The following HLX variants were observed in gnomAD, a reference collection of about 807,000 sequenced individuals.
HLX encodes the protein H2.0-like homeobox protein.
In HLX, 6 loss-of-function variants were observed where a neutral mutation model predicts 27.7. The ratio of observed to expected loss-of-function variants is 0.22; its 90% CI spans 0.12 to 0.43. The LOEUF is 0.43. HLX is among the 20% of genes least tolerant of loss of function. HLX has a pLI of 1.00. For missense variants in HLX, 666 were observed against 655.2 expected, an observed-to-expected ratio of 1.02 and a Z score of -0.18; for synonymous variants, 328 against 293.8, an observed-to-expected ratio of 1.12 and a Z score of -1.19.
rs537207324 is a variant in HLX at position 220,881,554 on chromosome 1, C to T, written c.772+181C>T. 1.1e-4 allele frequency: 72 copies of T among 681,200 alleles called. 1 individual carries two copies. Among genetic ancestry groups the T allele is most frequent in the South Asian group, 1.0e-3 (65 of 62,662 alleles). 42.2% of individuals were successfully genotyped at this position (681,200 alleles called of 1,614,324 possible). A position where few individuals can be genotyped will look rare whatever the true frequency, so the allele number is the denominator to read the frequency against. On this transcript the variant is annotated intron_variant, in intron 2 of 3. Transcript: ENST00000366903. The stretch of plus-strand genomic sequence containing the variant: ...GAGCTAGCGCTCGCTTCGGATGGTT[C>T]CCCTTGAAAAGGGGTAGAGGCGCCT...
Position 220,879,588 on chromosome 1 carries a change from C to G in HLX, c.-270C>G. On this transcript the variant is annotated 5_prime_UTR_variant, in exon 1 of 4. Transcript: ENST00000366903. ...CCCGCCCTGCGGCCCCAGCGCCCCTCGCTCTCATCCAGCCCGCGAGGAGTG... is the reference window on the plus strand; with the variant it reads ...CCCGCCCTGCGGCCCCAGCGCCCCTGGCTCTCATCCAGCCCGCGAGGAGTG... The G allele has an allele frequency of 4.0e-6, 2 of 504,738 alleles. No homozygotes were observed. Among genetic ancestry groups the G allele is most frequent in the Non-Finnish European group, 3.4e-6 (1 of 294,340 alleles). 31.3% of individuals were successfully genotyped at this position (504,738 alleles called of 1,614,324 possible).
chr1:220,881,763 AACAC>A (rs71167242), intron 2 of HLX: 28,437 of 303,796 alleles, frequency 0.094, 821 homozygotes, highest in Middle Eastern at 0.12. Context: ...TGCGGGAATA[AACAC>A]ACACACACAC....
Position 220,884,144 on chromosome 1 carries a change from C to G in HLX, c.958-51C>G. On this transcript the variant is annotated intron_variant, in intron 3 of 3. Transcript: ENST00000366903. This position sits in a 1 kb window ranked among gnomAD's most constrained non-coding sequence, Gnocchi z 4.9. ...GCACGCGAGTCGGATAGGAGCAAAC[C>G]TGGGTCTCATCTCGGTGTCTCTTCT... is the stretch of plus-strand genomic sequence containing the variant. 3 of 1,593,240 alleles carry G rather than the reference C, an allele frequency of 1.9e-6. No individual in the cohort carries two copies. The highest frequency in any genetic ancestry group is 2.6e-6 in the Non-Finnish European group (3 of 1,161,992).
Position 220,880,316 on chromosome 1 carries a change from G to T in HLX, c.459G>T (p.Gly153=). 1 of 1,613,628 alleles carries T rather than the reference G, an allele frequency of 6.2e-7. No homozygotes were observed. The highest frequency in any genetic ancestry group is 1.1e-5 in the South Asian group (1 of 91,066). The part of the protein sequence containing the change: ...RAGALQPPAS[G]TRVVPNPHHS... ...GCGCCCTGCAGCCCCCGGCCTCGGG[G>T]ACGCGAGTGGTTCCGAACCCCCACC... Residue 153 remains glycine (G), a synonymous_variant, in exon 1 of 4, where the codon GGG becomes GGT. Transcript: ENST00000366903.
chr1:220,880,048 T>G lies in HLX; in HGVS notation c.191T>G (p.Leu64Arg), dbSNP rs933430330. The change falls in exon 1 of 4, where the codon CTG becomes CGG. Residue 64 changes from leucine to arginine, a missense_variant. Leu to Arg is a moderately radical substitution (Grantham distance 102). Transcript: ENST00000366903. Reference protein sequence around the residue: ...VGDLGAAPEGLAGASAAALTA... With the variant: ...VGDLGAAPEGRAGASAAALTA... ...GATCTGGGGGCGGCCCCGGAGGGCC[T>G]GGCAGGGGCCTCGGCCGCCGCCCTC... 4 of 1,590,348 alleles carry G rather than the reference T, an allele frequency of 2.5e-6. No individual in the cohort carries two copies. The African/African-American group carries it at 4.0e-5, about 16-fold the overall frequency.
intron 2 of HLX, chr1:220,881,625 T>C: frequency 3.5e-6 from 2 of 567,152 alleles, no homozygotes; most frequent in South Asian, 2.0e-5. Flanking sequence ...TGGGGGGCTT[T>C]CTCGAAGTCT....
Position 220,884,221 on chromosome 1 carries a change from G to A in HLX, c.984G>A (p.Arg328=), listed in dbSNP as rs757003512. The A allele has an allele frequency of 6.2e-7, 1 of 1,614,076 alleles. No individual in the cohort carries two copies. ...AQVKVWFQNR[R]MKWRHSKEAQ... is the part of the protein sequence containing the mutation. ...TGAAGGTGTGGTTCCAGAACCGGCG[G>A]ATGAAGTGGCGGCACTCCAAGGAGG... Residue 328 remains arginine, a synonymous_variant, in exon 4 of 4, where the codon CGG becomes CGA. Transcript: ENST00000366903. This position sits in a 1 kb window ranked among gnomAD's most constrained non-coding sequence, Gnocchi z 4.9.
chr1:220,882,457 C>T, intron 3 of HLX, 109 bp downstream of exon 3: 3 of 971,166 alleles, frequency 3.1e-6, no homozygotes, highest in Non-Finnish European at 4.7e-6. Context: ...GCGGTGCAAA[C>T]GCAAGATCTT....
In HLX at chr1:220,884,573, A is replaced by G; in HGVS notation, c.1336A>G (p.Ser446Gly). 6.2e-7 allele frequency: 1 copy of G among 1,608,142 alleles called. No homozygotes were observed. Among genetic ancestry groups the G allele is most frequent in the Non-Finnish European group, 8.5e-7 (1 of 1,177,386 alleles). The change falls in exon 4 of 4, where the codon AGC becomes GGC. Residue 446 changes from serine (S) to glycine (G), a missense_variant. By Grantham distance (56) the Ser-to-Gly change is moderately conservative. Coordinates refer to ENST00000366903, the MANE Select transcript of HLX (RefSeq NM_021958.4). This position sits in a 1 kb window ranked among gnomAD's most constrained non-coding sequence, Gnocchi z 4.9. ...FSSASSLSSS[S>G]TSAGCASSLG... is the part of the protein sequence containing the mutation. ...CAGCGCCAGCAGTCTTAGTAGCAGC[A>G]GCACCAGTGCGGGTTGCGCCAGCAG...
At chr1:220,881,850 C>G (rs1380437098) in intron 2 of HLX, 1 of 440,658 alleles carries the variant, frequency 2.3e-6, no homozygotes, top group Non-Finnish European at 4.2e-6. Flanking sequence ...CATTCAGGCC[C>G]AAGGGACATT....
rs1210399657 is a variant in HLX at position 220,884,613 on chromosome 1, G to GCGC, written c.1378_1380dup (p.Ala460dup). On this transcript the variant is annotated inframe_insertion, in exon 4 of 4. Transcript: ENST00000366903. This position sits in a 1 kb window ranked among gnomAD's most constrained non-coding sequence, Gnocchi z 4.9. ...TGCGCCAGCAGCCTTGGCGGCGGCG[G>GCGC]CGCCTCGGAGCTTCTCCCTGCAACA... The GCGC allele has an allele frequency of 6.2e-7, 1 of 1,607,818 alleles. No homozygotes were observed. Among genetic ancestry groups the GCGC allele is most frequent in the Non-Finnish European group, 8.5e-7 (1 of 1,177,590 alleles).
rs747925308 is a variant in HLX, at chr1:220,882,273, G to C, written c.882G>C (p.Arg294Ser). Residue 294 changes from arginine (R) to serine (S), a missense_variant, in exon 3 of 4, where the codon AGG (arginine) becomes AGC (serine). Coordinates refer to ENST00000366903, the MANE Select transcript of HLX (RefSeq NM_021958.4). ...TGCAGAGGAAAGGCCTGGAGAAAAG[G>C]TTTGAGATTCAGAAGTACGTGACCA... Reference protein sequence around the residue: ...SNLQRKGLEKRFEIQKYVTKP... With the variant: ...SNLQRKGLEKSFEIQKYVTKP... 6.2e-7 allele frequency: 1 copy of C among 1,614,266 alleles called. No individual in the cohort carries two copies. The highest frequency in any genetic ancestry group is 8.5e-7 in the Non-Finnish European group (1 of 1,180,046).
chr1:220,884,749 C>T lies in HLX; in HGVS notation c.*45C>T, dbSNP rs904377852. The T allele has an allele frequency of 6.3e-7, 1 of 1,592,894 alleles. No individual in the cohort carries two copies. Among genetic ancestry groups the T allele is most frequent in the Non-Finnish European group, 8.5e-7 (1 of 1,175,384 alleles). ...GATCCGGGCCTTGCGTGCAGCCTCC[C>T]AACCATGGGCTGGGTTTTGTGCTTA... On this transcript the variant is annotated 3_prime_UTR_variant, in exon 4 of 4. Transcript: ENST00000366903. The surrounding 1 kb of genome is among the most constrained non-coding windows in gnomAD (Gnocchi z 4.9).
chr1:220,879,793 C>G lies in HLX; in HGVS notation c.-65C>G. 1 of 1,482,446 alleles carries G rather than the reference C, an allele frequency of 6.7e-7. No homozygotes were observed. The highest frequency in any genetic ancestry group is 8.9e-7 in the Non-Finnish European group (1 of 1,124,746). 91.8% of individuals were successfully genotyped at this position (1,482,446 alleles called of 1,614,324 possible). ...CGCCTTCTCCGGGACTCGCGCGCCCCTCCCCGCGCGCCCACCCACCCAGTC... is the reference window on the plus strand; with the variant it reads ...CGCCTTCTCCGGGACTCGCGCGCCCGTCCCCGCGCGCCCACCCACCCAGTC... On this transcript the variant is annotated 5_prime_UTR_variant, in exon 1 of 4. Transcript: ENST00000366903.
At position 220,880,238 on chromosome 1, in the gene HLX, A is replaced by ACAG. The variant is rs1674394448; in HGVS notation, c.390_392dup (p.Gln132dup). 3 of 1,608,624 alleles carry ACAG rather than the reference A, an allele frequency of 1.9e-6. No individual in the cohort carries two copies. The highest frequency in any genetic ancestry group is 1.3e-5 in the African/African-American group (1 of 74,942). The stretch of plus-strand genomic sequence containing the variant: ...ACCACCACCATCACCCGCAACAACA[A>ACAG]CAGCAGCAGCAACAGCCGCAGCAGC... On this transcript the variant is annotated inframe_insertion, in exon 1 of 4. Transcript: ENST00000366903.
chr1:220,879,478 T>G lies in HLX; in HGVS notation c.-380T>G. On this transcript the variant is annotated 5_prime_UTR_variant, in exon 1 of 4. Transcript: ENST00000366903. ...CCCCCCCCTAACTAACGGACTATTA[T>G]TGTTGTTGTTTTAAATTTAGCTCTT... 9.5e-5 allele frequency: 21 copies of G among 219,942 alleles called. No homozygotes were observed. The highest frequency in any genetic ancestry group is 1.4e-4 in the Non-Finnish European group (16 of 111,640). The allele number at this position is 219,942 out of a possible 1,614,324, so 13.6% of individuals were successfully genotyped here.
chr1:220,881,044 G>T (rs887747176), intron 1 of HLX, 150 bp from the exon 2 acceptor site: 10 of 720,904 alleles, frequency 1.4e-5, no homozygotes, highest in Admixed American at 2.5e-5. Context: ...GGCAACTGTT[G>T]GGAGAGAGAG....
Position 220,881,367 on chromosome 1 carries a change from T to A in HLX, c.766T>A (p.Phe256Ile). The change falls in exon 2 of 4, where the codon TTT becomes ATT. Residue 256 changes from phenylalanine to isoleucine, a missense_variant. Physicochemically the swap from Phe to Ile is conservative, Grantham distance 21. Transcript: ENST00000366903. ...AGTTCAGCATCAGTTCCAAGACACGTTTCCAGGTACGGAAAAACTCCAGAG... is the reference window on the plus strand; with the variant it reads ...AGTTCAGCATCAGTTCCAAGACACGATTCCAGGTACGGAAAAACTCCAGAG... ...NSVQHQFQDT[F>I]PGPYAVLTKD... 1 of 1,613,882 alleles carries A rather than the reference T, an allele frequency of 6.2e-7. No homozygotes were observed. The highest frequency in any genetic ancestry group is 8.5e-7 in the Non-Finnish European group (1 of 1,179,728).
At position 220,879,803 on chromosome 1, in the gene HLX, GCCCA is replaced by G. The variant is rs1674382454; in HGVS notation, c.-46_-43del. 1.3e-6 allele frequency: 2 copies of G among 1,488,582 alleles called. No individual in the cohort carries two copies. The highest frequency in any genetic ancestry group is 1.8e-6 in the Non-Finnish European group (2 of 1,128,146). The allele number at this position is 1,488,582 out of a possible 1,614,324, so 92.2% of individuals were successfully genotyped here. On this transcript the variant is annotated 5_prime_UTR_variant, in exon 1 of 4. Coordinates refer to ENST00000366903, the MANE Select transcript of HLX (RefSeq NM_021958.4). ...GGGACTCGCGCGCCCCTCCCCGCGC[GCCCA>G]CCCACCCAGTCCGGCTGGACTGCGG...
Sources: gnomAD v4.1 joint callset for allele counts on GRCh38, gnomAD v4.1.1 for gene constraint, Gnocchi (gnomAD v3.1) non-coding constraint, MANE v1.5 for transcripts, NCBI Gene and HGNC (gene_info 2026-07-23, HGNC 2026-07-21) for gene names.